HCN1: variants seen among roughly 807,000 people sequenced by gnomAD.
HCN1 encodes the protein potassium/sodium hyperpolarization-activated cyclic nucleotide-gated channel 1.
A neutral mutation model predicts 78.9 loss-of-function variants in HCN1; 13 were observed. The observed-to-expected ratio is 0.16, with a 90% confidence interval of 0.11 to 0.26. HCN1 has a LOEUF of 0.26. Ranked by LOEUF, HCN1 falls within the 10% of genes least tolerant of loss-of-function variation. The pLI, the probability that HCN1 is intolerant of heterozygous loss-of-function variation, is 1.00. For synonymous variants in HCN1, 552 were observed against 455.5 expected (o/e 1.21, Z -2.70); for missense variants, 810 against 1,154.3 (o/e 0.70, Z 4.32).
chr5:45,694,076 A>G (rs778190791), intron 1 of HCN1, among the ~76,000 whole-genome samples: 7 of 152,192 alleles, frequency 4.6e-5, no homozygotes, highest in Admixed American at 3.3e-4. Context: ...ACAACCTTAT[A>G]CATCTTAGAA....
At chr5:45,490,522 T>C (rs1741859511) in intron 2 of HCN1, among the ~76,000 whole-genome samples, 2 of 152,132 alleles carry the variant, frequency 1.3e-5, no homozygotes, top group African/African-American at 4.8e-5. Context: ...TTCCCAGAAA[T>C]AGATAAAATG....
intron 3 of HCN1, among the ~76,000 whole-genome samples, chr5:45,411,052 T>G: frequency 6.6e-6 from 1 of 152,056 alleles, no homozygotes. Context: ...AAATACCCTT[T>G]TACTAGCACT....
intron 6 of HCN1, among the ~76,000 whole-genome samples, chr5:45,280,600 C>G (rs528787515): frequency 2.0e-5 from 3 of 152,280 alleles, no homozygotes; most frequent in Admixed American, 6.5e-5. Flanking sequence ...TAAGGACTGA[C>G]AGGAGTGCTC....
chr5:45,431,821 G>A (rs1010315285), intron 3 of HCN1, among the ~76,000 whole-genome samples: 3 of 152,108 alleles, frequency 2.0e-5, no homozygotes, highest in African/African-American at 7.2e-5. Flanking sequence ...CCACCATACT[G>A]TTTTGGTTAC....
At chr5:45,615,041 T>A (rs1015443030) in intron 2 of HCN1, among the ~76,000 whole-genome samples, 1 of 151,496 alleles carries the variant, frequency 6.6e-6, no homozygotes, top group Non-Finnish European at 1.5e-5. Flanking sequence ...ATTGTCTCTA[T>A]ATCTCAATTG....
chr5:45,421,724 A>G (rs1413124347), intron 3 of HCN1, among the ~76,000 whole-genome samples: 1 of 152,212 alleles, frequency 6.6e-6, no homozygotes, highest in Non-Finnish European at 1.5e-5. Flanking sequence ...ATAAAATACA[A>G]TGGACTGATG....
At chr5:45,517,215 C>A (rs1189211250) in intron 2 of HCN1, among the ~76,000 whole-genome samples, 1 of 151,848 alleles carries the variant, frequency 6.6e-6, no homozygotes, top group Non-Finnish European at 1.5e-5. Context: ...CCACGATAGT[C>A]AGAACAGACA....
intron 6 of HCN1, among the ~76,000 whole-genome samples, chr5:45,269,459 T>A (rs575104461): frequency 6.6e-6 from 1 of 152,342 alleles, no homozygotes; most frequent in Non-Finnish European, 1.5e-5. Flanking sequence ...CTTTCTCTTG[T>A]GTGTTGAATG....
At chr5:45,351,832 A>G (rs1009078318) in intron 5 of HCN1, among the ~76,000 whole-genome samples, 1 of 151,944 alleles carries the variant, frequency 6.6e-6, no homozygotes, top group Non-Finnish European at 1.5e-5. Flanking sequence ...ATGAGACACC[A>G]TCTCACACCA....
intron 5 of HCN1, among the ~76,000 whole-genome samples, chr5:45,336,550 C>T (rs1746460016): frequency 6.6e-6 from 1 of 151,984 alleles, no homozygotes; most frequent in African/African-American, 2.4e-5. Context: ...CTTGAAGTGT[C>T]TCAATATTTA....
At chr5:45,467,055 A>T (rs989748735) in intron 2 of HCN1, among the ~76,000 whole-genome samples, 1 of 152,088 alleles carries the variant, frequency 6.6e-6, no homozygotes, top group African/African-American at 2.4e-5. Context: ...CATGCTCTTG[A>T]GTGCTTTTTA....
chr5:45,448,030 G>C (rs1255420305), intron 3 of HCN1, among the ~76,000 whole-genome samples: 1 of 151,184 alleles, frequency 6.6e-6, no homozygotes, highest in Non-Finnish European at 1.5e-5. Context: ...AAGATATTAT[G>C]GTAAATTCCA....
chr5:45,373,531 CATTATATA>C (rs1747485607), intron 4 of HCN1, among the ~76,000 whole-genome samples: 4 of 140,142 alleles, frequency 2.9e-5, no homozygotes, highest in Non-Finnish European at 6.1e-5. Flanking sequence ...ATATTACATA[CATTATATA>C]GGTCATCTAT....
At chr5:45,445,956 C>A (rs1271566994) in intron 3 of HCN1, among the ~76,000 whole-genome samples, 2 of 152,124 alleles carry the variant, frequency 1.3e-5, no homozygotes, top group South Asian at 2.1e-4. Context: ...AGCAGAAAAA[C>A]TGGAAACTCT....
intron 3 of HCN1, among the ~76,000 whole-genome samples, chr5:45,444,022 C>T (rs1423180940): frequency 6.6e-6 from 1 of 152,058 alleles, no homozygotes; most frequent in African/African-American, 2.4e-5. Context: ...AAATGTGTTG[C>T]AAAGCAAGGA....
At chr5:45,648,089 A>G (rs1467051125) in intron 1 of HCN1, among the ~76,000 whole-genome samples, 1 of 152,196 alleles carries the variant, frequency 6.6e-6, no homozygotes, top group Non-Finnish European at 1.5e-5. Flanking sequence ...TGCTAATCCC[A>G]GGGCCTGGCA....
At chr5:45,563,256 C>A (rs1743641921) in intron 2 of HCN1, among the ~76,000 whole-genome samples, 1 of 151,984 alleles carries the variant, frequency 6.6e-6, no homozygotes. Flanking sequence ...TCAAGACCAG[C>A]CTGGCCAACA....
At chr5:45,304,357 AG>A (rs1745686840) in intron 5 of HCN1, among the ~76,000 whole-genome samples, 1 of 151,920 alleles carries the variant, frequency 6.6e-6, no homozygotes, top group Admixed American at 6.6e-5. Flanking sequence ...GTACAGAAAA[AG>A]GTTACACAAA....
intron 2 of HCN1, among the ~76,000 whole-genome samples, chr5:45,613,509 G>A (rs1182659759): frequency 6.6e-6 from 1 of 151,972 alleles, no homozygotes; most frequent in Non-Finnish European, 1.5e-5. Flanking sequence ...CTTTTACACT[G>A]TTGGTGGGAC....
Sources: allele counts gnomAD v4.1 joint callset (sites outside exome capture counted in the v4.1 genomes callset), GRCh38; gene constraint gnomAD v4.1.1; transcripts MANE v1.5; gene names NCBI Gene and HGNC (gene_info 2026-07-23, HGNC 2026-07-21).